Variants in TECTA observed in about 807,000 individuals in gnomAD.
TECTA encodes the protein alpha-tectorin.
TECTA carries 128 observed loss-of-function variants against 216.8 expected under a neutral mutation model. The observed-to-expected ratio is 0.59, with a 90% CI of 0.51 to 0.68. TECTA has a LOEUF of 0.68. TECTA is among the 30% of genes least tolerant of loss of function. The pLI is 0.00. For synonymous variants in TECTA, 1,089 were observed against 1,117.1 expected, an observed-to-expected ratio of 0.97 and a Z score of 0.50; for missense variants, 2,551 against 2,786.2, an observed-to-expected ratio of 0.92 and a Z score of 1.90.
At chr11:121,147,946 T>C (rs1026575921) in intron 12 of TECTA, among the ~76,000 whole-genome samples, 1 of 152,110 alleles carries the variant, frequency 6.6e-6, no homozygotes, top group Non-Finnish European at 1.5e-5. Context: ...GGAAAAGAAA[T>C]TGAGTCAGCA....
At chr11:121,168,295 C>A in intron 19 of TECTA, 78 bp downstream of exon 19, 1 of 1,586,128 alleles carries the variant, frequency 6.3e-7, no homozygotes, top group Non-Finnish European at 8.6e-7. Flanking sequence ...AAATTGCTAG[C>A]GTTTGTCTTT....
At chr11:121,186,950 T>C (rs931247455) in intron 20 of TECTA, among the ~76,000 whole-genome samples, 3 of 152,200 alleles carry the variant, frequency 2.0e-5, no homozygotes, top group Admixed American at 2.0e-4. Flanking sequence ...ATGTAGTGCA[T>C]TGGAGACACA....
At chr11:121,189,694 G>A (rs982061571) in intron 22 of TECTA, 70 bp from the exon 23 acceptor site, 55 of 1,453,102 alleles carry the variant, frequency 3.8e-5, no homozygotes, top group Non-Finnish European at 3.1e-5. Context: ...TCTTTTTAAA[G>A]CCCTTCCCTT....
intron 20 of TECTA, among the ~76,000 whole-genome samples, chr11:121,182,223 C>T (rs545661885): frequency 4.1e-4 from 62 of 151,966 alleles, no homozygotes; most frequent in African/African-American, 1.5e-3. Context: ...AGCAGTGGGC[C>T]AGGTGGGTGG....
At chr11:121,109,072 C>A (rs959930108) in intron 3 of TECTA, 139 bp from the exon 4 acceptor site, 38 of 891,788 alleles carry the variant, frequency 4.3e-5, no homozygotes, top group Non-Finnish European at 8.7e-6. Flanking sequence ...AGCAATGGAA[C>A]CCGGTGTTTG....
At position 121,113,068 on chromosome 11, in the gene TECTA, G is replaced by T. The variant is rs1481729238; in HGVS notation, c.487-4G>T. On this transcript the variant is annotated splice_region_variant and splice_polypyrimidine_tract_variant and intron_variant, in intron 4 of 23. Transcript: ENST00000392793. This position sits in a 1 kb window ranked among gnomAD's most constrained non-coding sequence, Gnocchi z 4.2. ...TCATGAGACTGCGCATTCCCATCCTGTAGGTGAACACCTTCCAGGCCGTCC... is the reference window on the plus strand; with the variant it reads ...TCATGAGACTGCGCATTCCCATCCTTTAGGTGAACACCTTCCAGGCCGTCC... 10 of 1,613,956 alleles carry T rather than the reference G, an allele frequency of 6.2e-6. No individual in the cohort carries two copies. Among genetic ancestry groups the T allele is most frequent in the Admixed American group, 3.3e-5 (2 of 60,010 alleles).
intron 20 of TECTA, among the ~76,000 whole-genome samples, chr11:121,176,646 A>G (rs1947170240): frequency 6.8e-6 from 1 of 148,040 alleles, no homozygotes; most frequent in African/African-American, 2.6e-5. Context: ...TCTGACAATT[A>G]TGTGTCTTGG....
chr11:121,187,163 A>C (rs1947296343), intron 20 of TECTA, among the ~76,000 whole-genome samples: 2 of 152,214 alleles, frequency 1.3e-5, no homozygotes, highest in Admixed American at 1.3e-4. Context: ...GGTGGGGGAA[A>C]CATTGCATGA....
chr11:121,190,898 T>G lies in TECTA; in HGVS notation c.*92T>G. The G allele has an allele frequency of 1.0e-6, 1 of 993,630 alleles. No individual in the cohort carries two copies. The highest frequency in any genetic ancestry group is 1.4e-5 in the South Asian group (1 of 73,480). 61.6% of individuals were successfully genotyped at this position (993,630 alleles called of 1,614,324 possible). A position where few individuals can be genotyped will look rare whatever the true frequency, so the allele number is the denominator to read the frequency against. ...GTGTGCCCTTAAGTCAAAACCTATT[T>G]GAAAGTGTCCAGCATCTCAAAATGA... On this transcript the variant is annotated 3_prime_UTR_variant, in exon 24 of 24. Coordinates refer to ENST00000392793, the MANE Select transcript of TECTA (RefSeq NM_005422.4).
chr11:121,138,215 A>G (rs1004379989), intron 11 of TECTA, among the ~76,000 whole-genome samples, 193 bp downstream of exon 11: 31 of 152,220 alleles, frequency 2.0e-4, no homozygotes, highest in African/African-American at 7.0e-4. Flanking sequence ...AGAGAAAAAA[A>G]TGATTTGCCC....
chr11:121,118,424 G>C lies in TECTA; in HGVS notation c.909G>C (p.Glu303Asp). 1.9e-6 allele frequency: 3 copies of C among 1,614,158 alleles called. No homozygotes were observed. Among genetic ancestry groups the C allele is most frequent in the South Asian group, 1.1e-5 (1 of 91,080 alleles). ...YCQEASCSPY[E>D]VCEPKGKFFY... Reference sequence around the variant, plus strand: ...AGGAGGCTTCCTGTAGCCCCTACGAGGTGTGCGAACCCAAAGGCAAATTCT... The same window carrying C: ...AGGAGGCTTCCTGTAGCCCCTACGACGTGTGCGAACCCAAAGGCAAATTCT... Residue 303 changes from glutamate (E) to aspartate (D), a missense_variant, in exon 7 of 24, where the codon GAG becomes GAC. By Grantham distance (45) the Glu-to-Asp change is conservative (BLOSUM62 2). Around this residue, in one of 3 missense-constraint regions of TECTA, gnomAD observed 2,375 missense variants for 2,563.9 expected, o/e 0.93. Coordinates refer to ENST00000392793, the MANE Select transcript of TECTA (RefSeq NM_005422.4).
At chr11:121,163,584 A>AT (rs1947022268) in intron 16 of TECTA, among the ~76,000 whole-genome samples, 5 of 152,234 alleles carry the variant, frequency 3.3e-5, no homozygotes, top group African/African-American at 1.2e-4. Context: ...ATGTACCCTA[A>AT]AACTTAAAGT....
In TECTA at chr11:121,113,174, G is replaced by A. The variant is rs2135059469; in HGVS notation, c.589G>A (p.Asp197Asn). ...NWTTGTASGG[D>N]PLTGLGGVMA... ...GACCACGGGGACGGCGAGTGGCGGC[G>A]ACCCCCTGACAGGTCTTGGTGGAGT... The change falls in exon 5 of 24, where the codon GAC becomes AAC. Residue 197 changes from aspartate (D) to asparagine (N), a missense_variant. Physicochemically the swap from Asp to Asn is conservative, Grantham distance 23 (BLOSUM62 1). Coordinates refer to ENST00000392793, the MANE Select transcript of TECTA (RefSeq NM_005422.4). This position sits in a 1 kb window ranked among gnomAD's most constrained non-coding sequence, Gnocchi z 4.2. 6.2e-7 allele frequency: 1 copy of A among 1,613,864 alleles called. No individual in the cohort carries two copies. Among genetic ancestry groups the A allele is most frequent in the Non-Finnish European group, 8.5e-7 (1 of 1,179,964 alleles).
rs887838408 is a variant in TECTA at position 121,188,081 on chromosome 11, C to T, written c.6162+87C>T. ...ATGAGGATCGTGAATGCCAGGTGACCGGACTGGAATCATCCATAGATGCTT... is the reference window on the plus strand; with the variant it reads ...ATGAGGATCGTGAATGCCAGGTGACTGGACTGGAATCATCCATAGATGCTT... On this transcript the variant is annotated intron_variant, in intron 21 of 23. Transcript: ENST00000392793. The T allele has an allele frequency of 2.8e-5, 40 of 1,447,478 alleles. No individual in the cohort carries two copies. The East Asian group carries it at 5.5e-4, about 20-fold the overall frequency. The allele number at this position is 1,447,478 out of a possible 1,614,324, so 89.7% of individuals were successfully genotyped here.
In TECTA at chr11:121,127,819, C is replaced by CTT; in HGVS notation, c.1843_1844insTT (p.Ser615PhefsTer4). 6.2e-7 allele frequency: 1 copy of CTT among 1,614,206 alleles called. No homozygotes were observed. On this transcript the variant is annotated frameshift_variant, in exon 9 of 24. Coordinates refer to ENST00000392793, the MANE Select transcript of TECTA (RefSeq NM_005422.4). LOFTEE classifies it high-confidence loss of function. This position sits in a 1 kb window ranked among gnomAD's most constrained non-coding sequence, Gnocchi z 5.0. ...GCACAAGCAGCTGCCCCGACACATGCTCCGACCTGACGGCCTCGCGGAACT... is the reference window on the plus strand; with the variant it reads ...GCACAAGCAGCTGCCCCGACACATGCTTTCCGACCTGACGGCCTCGCGGAACT...
chr11:121,183,464 G>C (rs1366701424), intron 20 of TECTA, among the ~76,000 whole-genome samples: 2 of 152,166 alleles, frequency 1.3e-5, no homozygotes, highest in Non-Finnish European at 2.9e-5. Context: ...TGGACCACTG[G>C]GGATCTCTCA....
chr11:121,128,963 CACTT>C (rs1434560541), intron 9 of TECTA, among the ~76,000 whole-genome samples: 1 of 152,190 alleles, frequency 6.6e-6, no homozygotes, highest in Non-Finnish European at 1.5e-5. Context: ...CACATGAAGA[CACTT>C]ACTAAAAGGG....
rs956238507 is a variant in TECTA, at chr11:121,168,225, G to T, written c.5750+8G>T. On this transcript the variant is annotated splice_region_variant and intron_variant, in intron 19 of 23. Coordinates refer to ENST00000392793, the MANE Select transcript of TECTA (RefSeq NM_005422.4). ...TGTGAAGCCTATGCTAAGGTAAGGT[G>T]TCTCCTGGGCTGTGCACATTGCTTT... 1.2e-6 allele frequency: 2 copies of T among 1,614,156 alleles called. No homozygotes were observed. The highest frequency in any genetic ancestry group is 1.3e-5 in the African/African-American group (1 of 75,050).
chr11:121,162,859 G>A (rs1472337631), intron 16 of TECTA, among the ~76,000 whole-genome samples: 1 of 152,190 alleles, frequency 6.6e-6, no homozygotes, highest in Non-Finnish European at 1.5e-5. Context: ...ACATATATTA[G>A]ATCAGCTGGT....
Sources: gnomAD v4.1 joint callset for allele counts (sites outside exome capture counted in the v4.1 genomes callset) on GRCh38, gnomAD v4.1.1 for gene constraint, gnomAD v4.1.1 regional missense constraint, Gnocchi (gnomAD v3.1) non-coding constraint, MANE v1.5 for transcripts, NCBI Gene and HGNC (gene_info 2026-07-23, HGNC 2026-07-21) for gene names.